The following LEMD1 variants were observed in gnomAD, a reference collection of about 807,000 sequenced individuals.
The protein encoded by LEMD1 is LEM domain-containing protein 1.
In LEMD1, 18 loss-of-function variants were observed where a neutral mutation model predicts 17.4. That is an observed-to-expected ratio of 1.04 (90% CI 0.72 to 1.54). LEMD1 has a LOEUF of 1.54. Among genes scored for constraint, LEMD1 ranks in the 40% most tolerant of loss-of-function variants. LEMD1 has a pLI of 0.00. For missense variants in LEMD1, 195 were observed against 210.4 expected (o/e 0.93, Z 0.45); for synonymous variants, 88 against 77.8 (o/e 1.13, Z -0.69).
chr1:205,438,586 G>A (rs1666245015), intron 1 of LEMD1, among the ~76,000 whole-genome samples: 1 of 152,224 alleles, frequency 6.6e-6, no homozygotes, highest in South Asian at 2.1e-4. Context: ...GGAAACTGAG[G>A]GACAATAGAA....
upstream of LEMD1, among the ~76,000 whole-genome samples, chr1:205,423,418 T>A (rs570907941): frequency 6.6e-6 from 1 of 152,364 alleles, no homozygotes; most frequent in African/African-American, 2.4e-5. Flanking sequence ...CCAGAATTGC[T>A]TTCAACAAAA....
intron 4 of LEMD1, among the ~76,000 whole-genome samples, chr1:205,409,777 T>A (rs56137639): frequency 0.31 from 46,031 of 150,358 alleles, 7,297 homozygotes; most frequent in African/African-American, 0.38. Flanking sequence ...TTAATTAATT[T>A]TTTTTTTTTT....
intron 4 of LEMD1, among the ~76,000 whole-genome samples, chr1:205,408,560 G>C (rs1364922839): frequency 6.7e-6 from 1 of 149,004 alleles, no homozygotes; most frequent in Non-Finnish European, 1.5e-5. Flanking sequence ...GAGTGCATTG[G>C]TGCCATCACG....
At chr1:205,411,270 GAAGA>G (rs1306933858) in intron 4 of LEMD1, among the ~76,000 whole-genome samples, 2 of 149,838 alleles carry the variant, frequency 1.3e-5, no homozygotes, top group Non-Finnish European at 3.0e-5. Flanking sequence ...GAAAAAGAAA[GAAGA>G]AAGAAAGAGA....
At chr1:205,389,688 T>G (rs2102350348) in intron 4 of LEMD1, among the ~76,000 whole-genome samples, 1 of 152,354 alleles carries the variant, frequency 6.6e-6, no homozygotes, top group East Asian at 1.9e-4. Context: ...ATAATGCAAT[T>G]ACTTCTTAAA....
At chr1:205,411,684 A>T (rs1018058590) in intron 4 of LEMD1, among the ~76,000 whole-genome samples, 5 of 148,884 alleles carry the variant, frequency 3.4e-5, no homozygotes, top group African/African-American at 1.3e-4. Flanking sequence ...AGAAAGAAAG[A>T]AAGAAAGAAA....
chr1:205,411,211 A>G (rs1665391303), intron 4 of LEMD1, among the ~76,000 whole-genome samples: 1 of 147,144 alleles, frequency 6.8e-6, no homozygotes, highest in Admixed American at 6.7e-5. Context: ...AGGAAGAAAG[A>G]AAGAAAGGAA....
Position 205,448,485 on chromosome 1 carries a change from C to A in LEMD1, c.-39+1383G>T. On this transcript the variant is annotated intron_variant, in intron 1 of 3. Coordinates refer to the LEMD1 transcript ENST00000367154. The surrounding 1 kb of genome is among the most constrained non-coding windows in gnomAD (Gnocchi z 4.7). The stretch of plus-strand genomic sequence containing the variant: ...CACTCCCCTTCTCAGCACCCCCGAC[C>A]CCAGACCCACCCACACTGCCTCCCT... 2.1e-6 allele frequency: 1 copy of A among 477,102 alleles called. No individual in the cohort carries two copies. Among genetic ancestry groups the A allele is most frequent in the Non-Finnish European group, 4.2e-6 (1 of 236,536 alleles). 29.6% of individuals were successfully genotyped at this position (477,102 alleles called of 1,614,324 possible). A position where few individuals can be genotyped will look rare whatever the true frequency, so the allele number is the denominator to read the frequency against.
rs985602625 is a variant in LEMD1, at chr1:205,441,766, A to G, written c.-39+8102T>C. On this transcript the variant is annotated intron_variant, in intron 1 of 3. Coordinates refer to the LEMD1 transcript ENST00000367154. The surrounding 1 kb of genome is among the most constrained non-coding windows in gnomAD (Gnocchi z 4.3). ...AGCACCTATGCTGGGCAAAGGGTTG[A>G]GAGGTAGATACAAAAGGGTAAAGAC... Among the ~76,000 whole-genome samples the G allele has an allele frequency of 6.6e-6, 1 of 152,200 alleles. No individual in the cohort carries two copies. Among genetic ancestry groups the G allele is most frequent in the Non-Finnish European group, 1.5e-5 (1 of 68,038 alleles).
At chr1:205,405,884 G>T (rs1665071597) in intron 4 of LEMD1, among the ~76,000 whole-genome samples, 1 of 151,832 alleles carries the variant, frequency 6.6e-6, no homozygotes, top group Admixed American at 6.6e-5. Context: ...GGTTTTTGGT[G>T]TGGATGTCCT....
At chr1:205,433,081 G>T (rs1334673245) in intron 1 of LEMD1, among the ~76,000 whole-genome samples, 2 of 152,150 alleles carry the variant, frequency 1.3e-5, no homozygotes, top group Admixed American at 1.3e-4. Flanking sequence ...CTCTACAGTT[G>T]TGTTCTCTCA....
chr1:205,414,420 C>A (rs377252515), intron 4 of LEMD1, among the ~76,000 whole-genome samples: 114 of 140,372 alleles, frequency 8.1e-4, no homozygotes, highest in Admixed American at 1.2e-3. Context: ...CCTGTCTCTA[C>A]AAAAAAAAAA....
chr1:205,446,926 T>TC (rs1235057809), intron 1 of LEMD1, among the ~76,000 whole-genome samples: 2 of 152,084 alleles, frequency 1.3e-5, no homozygotes, highest in African/African-American at 2.4e-5. Context: ...ATTGTTCTGA[T>TC]CCCCCCGCTC....
intron 4 of LEMD1, among the ~76,000 whole-genome samples, chr1:205,405,767 G>A (rs1665065279): frequency 1.3e-5 from 2 of 150,492 alleles, no homozygotes; most frequent in South Asian, 4.2e-4. Flanking sequence ...CTTTGGAGGA[G>A]GAGAGGCGCT....
chr1:205,427,239 T>C (rs1381881378), intron 1 of LEMD1, among the ~76,000 whole-genome samples: 1 of 151,862 alleles, frequency 6.6e-6, no homozygotes, highest in Non-Finnish European at 1.5e-5. Flanking sequence ...AAAACACTGT[T>C]TTCTTTAAGT....
At chr1:205,436,133 AT>A (rs1456592550) in intron 1 of LEMD1, 5 of 152,402 alleles carry the variant, frequency 3.3e-5, no homozygotes, top group Non-Finnish European at 1.5e-5. Flanking sequence ...CGCCCCTCAG[AT>A]GGAACACGGG....
chr1:205,425,168 A>G (rs1052635523), upstream of LEMD1, among the ~76,000 whole-genome samples: 5 of 152,230 alleles, frequency 3.3e-5, no homozygotes, highest in Non-Finnish European at 5.9e-5. Flanking sequence ...CACTTTAAAA[A>G]TTATTCTGCA....
rs148213923 is a variant in LEMD1, at chr1:205,428,854, G to T, written c.-38-8280C>A. On this transcript the variant is annotated intron_variant, in intron 1 of 3. Transcript: ENST00000367154. Reference sequence around the variant, plus strand: ...TTTGAGAATTTGGTGACCTATCAAAGGTGGGGTGGAGAGTGGAGAGTGGAG... The same window carrying T: ...TTTGAGAATTTGGTGACCTATCAAATGTGGGGTGGAGAGTGGAGAGTGGAG... Among the ~76,000 whole-genome samples, 215 of 152,290 alleles carry T rather than the reference G, an allele frequency of 1.4e-3. 3 individuals carry two copies. The highest frequency in any genetic ancestry group is 4.9e-3 in the African/African-American group (205 of 41,572).
intron 4 of LEMD1, among the ~76,000 whole-genome samples, chr1:205,388,698 T>C (rs2102346840): frequency 6.6e-6 from 1 of 152,360 alleles, no homozygotes; most frequent in South Asian, 2.1e-4. Context: ...ATTGAAAATA[T>C]GTCAAAACAT....
Sources: allele counts gnomAD v4.1 joint callset (sites outside exome capture counted in the v4.1 genomes callset), GRCh38; gene constraint gnomAD v4.1.1; non-coding constraint Gnocchi (gnomAD v3.1); transcripts MANE v1.5; gene names NCBI Gene and HGNC (gene_info 2026-07-23, HGNC 2026-07-21).